Variants in FAM91A1 observed in about 807,000 individuals in gnomAD.
The protein encoded by FAM91A1 is family with sequence similarity 91 member A1, also known as protein FAM91A1.
Under a neutral mutation model 113.5 loss-of-function variants are expected in FAM91A1, and 41 were observed. The ratio of observed to expected loss-of-function variants is 0.36; its 90% CI spans 0.28 to 0.47. FAM91A1 has a LOEUF of 0.47. Ranked by LOEUF, FAM91A1 falls within the 20% of genes least tolerant of loss-of-function variation. The pLI is 1.00. For missense variants in FAM91A1, 696 were observed against 1,001.2 expected, an observed-to-expected ratio of 0.70 and a Z score of 4.11; for synonymous variants, 307 against 347.9, an observed-to-expected ratio of 0.88 and a Z score of 1.31.
chr8:123,788,878 C>G (rs1293683570), intron 14 of FAM91A1, among the ~76,000 whole-genome samples: 3 of 152,126 alleles, frequency 2.0e-5, no homozygotes, highest in Non-Finnish European at 4.4e-5. Flanking sequence ...GGATTCTTAG[C>G]TATTTTTTAA....
chr8:123,775,141 G>C lies in FAM91A1; in HGVS notation c.158-6G>C. 1 of 1,583,408 alleles carries C rather than the reference G, an allele frequency of 6.3e-7. No homozygotes were observed. Among genetic ancestry groups the C allele is most frequent in the Non-Finnish European group, 8.6e-7 (1 of 1,163,794 alleles). On this transcript the variant is annotated splice_region_variant and splice_polypyrimidine_tract_variant and intron_variant, in intron 2 of 23. Coordinates refer to ENST00000334705, the MANE Select transcript of FAM91A1 (RefSeq NM_144963.4). ...AAAAACTGGAGAATTTCCCTCTTTT[G>C]TGCAGTTAAACATGTCAAGAAAGAT...
Position 123,768,673 on chromosome 8 carries a change from G to T in FAM91A1, c.-30G>T. The T allele has an allele frequency of 6.4e-7, 1 of 1,553,164 alleles. No individual in the cohort carries two copies. The highest frequency in any genetic ancestry group is 8.7e-7 in the Non-Finnish European group (1 of 1,150,588). On this transcript the variant is annotated 5_prime_UTR_variant, in exon 1 of 24. Transcript: ENST00000334705. ...AGGCGTAGTGTGGGTCGCGGTGGCG[G>T]CCCCGGCCGCCGGCCCTGGCCGCGG...
intron 8 of FAM91A1, among the ~76,000 whole-genome samples, chr8:123,782,232 G>A (rs1002539113): frequency 2.6e-5 from 4 of 152,180 alleles, no homozygotes; most frequent in Admixed American, 2.0e-4. Flanking sequence ...CTGGTATTTG[G>A]TGGTACAGAC....
At position 123,777,111 on chromosome 8, in the gene FAM91A1, C is replaced by T. The variant is rs117182765; in HGVS notation, c.310-154C>T. Among the ~76,000 whole-genome samples, 965 of 152,298 alleles carry T rather than the reference C, an allele frequency of 6.3e-3. 4 individuals are homozygous for T. The highest frequency in any genetic ancestry group is 8.6e-3 in the Non-Finnish European group (584 of 68,020). ...AGGTTGGGAACATGTGTGGAAAGTG[C>T]CACAGGGTGGCATGTATGCTCTAGG... On this transcript the variant is annotated intron_variant, in intron 3 of 23. Coordinates refer to ENST00000334705, the MANE Select transcript of FAM91A1 (RefSeq NM_144963.4).
chr8:123,778,763 T>C lies in FAM91A1; in HGVS notation c.540T>C (p.Asp180=). The C allele has an allele frequency of 6.5e-7, 1 of 1,546,112 alleles. No homozygotes were observed. The highest frequency in any genetic ancestry group is 8.7e-7 in the Non-Finnish European group (1 of 1,145,928). ...WVVQAGYITE[D]DIKICTLPEK... is the part of the protein sequence containing the mutation. ...TGCAGGCTGGCTATATCACAGAAGA[T>C]GACATCAAGGTAGAAATCTTTAAAA... Residue 180 remains aspartate (D), a synonymous_variant, in exon 6 of 24, where the codon GAT becomes GAC. Coordinates refer to ENST00000334705, the MANE Select transcript of FAM91A1 (RefSeq NM_144963.4).
intron 1 of FAM91A1, among the ~76,000 whole-genome samples, chr8:123,772,995 T>C (rs7010092): frequency 0.025 from 3,833 of 152,228 alleles, 65 homozygotes; most frequent in Non-Finnish European, 0.034. Flanking sequence ...GTGTTGGTCT[T>C]GCTGTTCAGG....
At chr8:123,784,362 A>T (rs1815198615) in intron 8 of FAM91A1, 108 bp from the exon 9 acceptor site, 1 of 718,158 alleles carries the variant, frequency 1.4e-6, no homozygotes. Flanking sequence ...CAAAAGCTGC[A>T]TTCAGTCCCT....
rs1169178859 is a variant in FAM91A1, at chr8:123,775,132, C to T, written c.158-15C>T. 5 of 1,554,240 alleles carry T rather than the reference C, an allele frequency of 3.2e-6. No individual in the cohort carries two copies. The South Asian group carries it at 6.1e-5, about 19-fold the overall frequency. ...AAACCTGAAAAAAACTGGAGAATTT[C>T]CCTCTTTTGTGCAGTTAAACATGTC... On this transcript the variant is annotated splice_polypyrimidine_tract_variant and intron_variant, in intron 2 of 23. Coordinates refer to ENST00000334705, the MANE Select transcript of FAM91A1 (RefSeq NM_144963.4).
intron 8 of FAM91A1, among the ~76,000 whole-genome samples, chr8:123,783,982 A>G (rs1815187703): frequency 6.6e-6 from 1 of 152,218 alleles, no homozygotes; most frequent in African/African-American, 2.4e-5. Flanking sequence ...TTCCATTTTT[A>G]GGATGGAGTA....
At position 123,810,266 on chromosome 8, in the gene FAM91A1, CCTTT is replaced by C; in HGVS notation, c.2262-15_2262-12del. On this transcript the variant is annotated splice_polypyrimidine_tract_variant and intron_variant, in intron 22 of 23. Transcript: ENST00000334705. ...TATGTTTGTTTTAAACTGTTTCTCG[CCTTT>C]TTTTTTTTCAGCCTTCAAAACCTCT... The C allele has an allele frequency of 6.3e-7, 1 of 1,582,214 alleles. No individual in the cohort carries two copies. Among genetic ancestry groups the C allele is most frequent in the Non-Finnish European group, 8.5e-7 (1 of 1,170,600 alleles).
At position 123,813,444 on chromosome 8, in the gene FAM91A1, A is replaced by G. The variant is rs1252055000; in HGVS notation, c.*740A>G. 6.6e-6 allele frequency: 1 copy of G among 152,618 alleles called. No homozygotes were observed. Among genetic ancestry groups the G allele is most frequent in the Non-Finnish European group, 1.5e-5 (1 of 68,020 alleles). 9.5% of individuals were successfully genotyped at this position (152,618 alleles called of 1,614,324 possible). ...TATTTTCATAGAGTCTTTATGGAAA[A>G]AATAGAATTTATTTTCCACTCTTGT... On this transcript the variant is annotated 3_prime_UTR_variant, in exon 24 of 24. Transcript: ENST00000334705.
intron 15 of FAM91A1, among the ~76,000 whole-genome samples, chr8:123,792,148 C>T (rs1330873679): frequency 6.6e-6 from 1 of 151,624 alleles, no homozygotes; most frequent in Non-Finnish European, 1.5e-5. Context: ...GCACTCCAGC[C>T]TGGGTGACAG....
intron 4 of FAM91A1, among the ~76,000 whole-genome samples, chr8:123,777,543 A>G (rs1346266391): frequency 6.6e-6 from 1 of 152,240 alleles, no homozygotes; most frequent in African/African-American, 2.4e-5. Context: ...GTAGAATCAG[A>G]AAAATAAGAC....
chr8:123,783,257 A>T (rs191899505), intron 8 of FAM91A1, among the ~76,000 whole-genome samples: 5 of 152,214 alleles, frequency 3.3e-5, no homozygotes, highest in African/African-American at 1.2e-4. Context: ...GGAGGATTAA[A>T]TGAAAATGTA....
chr8:123,792,717 T>A (rs1815414024), intron 15 of FAM91A1, among the ~76,000 whole-genome samples: 1 of 152,212 alleles, frequency 6.6e-6, no homozygotes, highest in African/African-American at 2.4e-5. Flanking sequence ...TTGACATTGA[T>A]AATGTTGAAT....
At chr8:123,785,396 C>G (rs1815227676) in intron 10 of FAM91A1, among the ~76,000 whole-genome samples, 1 of 152,194 alleles carries the variant, frequency 6.6e-6, no homozygotes, top group Non-Finnish European at 1.5e-5. Flanking sequence ...GCAACAACTC[C>G]TGCTTCATTA....
chr8:123,781,733 C>T (rs1294735867), intron 8 of FAM91A1, among the ~76,000 whole-genome samples: 2 of 152,318 alleles, frequency 1.3e-5, no homozygotes, highest in Non-Finnish European at 2.9e-5. Context: ...AATCTGCCCG[C>T]CTCGGCCTCC....
At position 123,780,623 on chromosome 8, in the gene FAM91A1, T is replaced by A. The variant is rs1815097455; in HGVS notation, c.703+81T>A. On this transcript the variant is annotated intron_variant, in intron 8 of 23. Transcript: ENST00000334705. The stretch of plus-strand genomic sequence containing the variant: ...ATTGCATATCATCCGTTCTAGGATC[T>A]TAGATGTTAGGATATTTCAAGAAAA... The A allele has an allele frequency of 7.2e-6, 8 of 1,113,754 alleles. No homozygotes were observed. The South Asian group carries it at 1.2e-4, about 16-fold the overall frequency. 69.0% of individuals were successfully genotyped at this position (1,113,754 alleles called of 1,614,324 possible). A position where few individuals can be genotyped will look rare whatever the true frequency, so the allele number is the denominator to read the frequency against.
At chr8:123,793,472 T>G (rs1027237403) in intron 15 of FAM91A1, among the ~76,000 whole-genome samples, 4 of 152,366 alleles carry the variant, frequency 2.6e-5, no homozygotes, top group South Asian at 2.1e-4. Context: ...TTATGAATTC[T>G]TATCTTTTCA....
Sources: gnomAD v4.1 joint callset for allele counts (sites outside exome capture counted in the v4.1 genomes callset) on GRCh38, gnomAD v4.1.1 for gene constraint, MANE v1.5 for transcripts, NCBI Gene and HGNC (gene_info 2026-07-23, HGNC 2026-07-21) for gene names.